EPHA3: variants seen among roughly 807,000 people sequenced by gnomAD.
EPHA3 encodes EPH receptor A3, also known as ephrin type-A receptor 3.
A neutral mutation model predicts 107.1 loss-of-function variants in EPHA3; 42 were observed. The ratio of observed to expected loss-of-function variants is 0.39; its 90% confidence interval spans 0.31 to 0.51. The LOEUF (loss-of-function observed/expected upper bound fraction) is 0.51. Ranked by LOEUF, EPHA3 falls within the 20% of genes least tolerant of loss-of-function variation. The pLI, the probability that EPHA3 is intolerant of heterozygous loss-of-function variation, is 0.78. For missense variants in EPHA3, 1,183 were observed against 1,211.2 expected, an observed-to-expected ratio of 0.98 and a Z score of 0.35; for synonymous variants, 461 against 424.8, an observed-to-expected ratio of 1.09 and a Z score of -1.05.
At chr3:89,253,441 C>A (rs1230400841) in intron 3 of EPHA3, among the ~76,000 whole-genome samples, 3 of 152,070 alleles carry the variant, frequency 2.0e-5, no homozygotes, top group African/African-American at 7.2e-5. Flanking sequence ...TTCTCAAAAA[C>A]ATACATGGCT....
At chr3:89,392,863 A>T (rs2107500602) in intron 5 of EPHA3, among the ~76,000 whole-genome samples, 1 of 152,276 alleles carries the variant, frequency 6.6e-6, no homozygotes, top group African/African-American at 2.4e-5. Context: ...GCACATAAAA[A>T]AATCGATAAA....
chr3:89,308,496 C>T lies in EPHA3; in HGVS notation c.815-32420C>T, dbSNP rs115240840. 3.7e-3 allele frequency among the ~76,000 whole-genome samples: 556 copies of T among 152,060 alleles called. 10 individuals carry two copies. The highest frequency in any genetic ancestry group is 0.013 in the African/African-American group (524 of 41,480). On this transcript the variant is annotated intron_variant, in intron 3 of 16. Transcript: ENST00000336596. ...ACATCAGGAACCCTGGCATAGGAAG[C>T]AGCTGATTATGCTGAAGTGACGGTT...
intron 13 of EPHA3, among the ~76,000 whole-genome samples, chr3:89,444,491 T>A (rs1559698704): frequency 1.3e-5 from 2 of 152,116 alleles, no homozygotes; most frequent in African/African-American, 2.4e-5. Flanking sequence ...AGATAATTTT[T>A]AAAAATTTCT....
chr3:89,365,830 C>T (rs139288900), intron 5 of EPHA3, among the ~76,000 whole-genome samples: 1 of 150,744 alleles, frequency 6.6e-6, no homozygotes, highest in African/African-American at 2.4e-5. Context: ...CCCTGCAGAG[C>T]CTGCCATGCA....
intron 2 of EPHA3, among the ~76,000 whole-genome samples, chr3:89,201,353 A>G (rs1348551200): frequency 6.6e-6 from 1 of 152,206 alleles, no homozygotes; most frequent in Non-Finnish European, 1.5e-5. Context: ...TTAGGTGGGG[A>G]CACAGAGCCA....
intron 3 of EPHA3, among the ~76,000 whole-genome samples, chr3:89,333,537 C>T (rs1707333838): frequency 6.6e-6 from 1 of 152,090 alleles, no homozygotes; most frequent in South Asian, 2.1e-4. Context: ...GGCACTTAAA[C>T]TTGAAGAGCT....
intron 3 of EPHA3, among the ~76,000 whole-genome samples, chr3:89,221,178 T>C (rs556202661): frequency 6.6e-6 from 1 of 152,352 alleles, no homozygotes; most frequent in Admixed American, 6.5e-5. Context: ...AAATAGTCCC[T>C]GAAGCGCAGA....
chr3:89,261,954 T>G (rs1705427787), intron 3 of EPHA3, among the ~76,000 whole-genome samples: 1 of 151,970 alleles, frequency 6.6e-6, no homozygotes, highest in Non-Finnish European at 1.5e-5. Context: ...ACATTTATTT[T>G]ATAGCATTAT....
intron 2 of EPHA3, among the ~76,000 whole-genome samples, chr3:89,170,940 A>ATTTT (rs35361512): frequency 4.1e-5 from 6 of 147,088 alleles, no homozygotes; most frequent in East Asian, 2.0e-4. Flanking sequence ...CTTTAAAACC[A>ATTTT]TTTTTTTTTT....
At chr3:89,329,648 A>G (rs980137488) in intron 3 of EPHA3, among the ~76,000 whole-genome samples, 11 of 152,158 alleles carry the variant, frequency 7.2e-5, no homozygotes, top group African/African-American at 2.7e-4. Flanking sequence ...AACATAGTGA[A>G]GAAAAAAAAT....
At chr3:89,238,534 C>T (rs1704824316) in intron 3 of EPHA3, among the ~76,000 whole-genome samples, 1 of 152,130 alleles carries the variant, frequency 6.6e-6, no homozygotes, top group African/African-American at 2.4e-5. Context: ...CTTCTTTAAC[C>T]ACAGTTCTAA....
rs546221067 is a variant in EPHA3, at chr3:89,161,075, C to T, written c.153+33802C>T. On this transcript the variant is annotated intron_variant, in intron 2 of 16. Transcript: ENST00000336596. ...TGAGTGATGATCTCATCTCACATCA[C>T]GCAGCTTCTAAAAATCTCCACCAAA... Among the ~76,000 whole-genome samples the T allele has an allele frequency of 6.8e-4, 103 of 152,206 alleles. 1 individual carries two copies. The highest frequency in any genetic ancestry group is 2.3e-3 in the African/African-American group (96 of 41,540).
At chr3:89,257,928 A>G (rs1056700998) in intron 3 of EPHA3, among the ~76,000 whole-genome samples, 1 of 152,176 alleles carries the variant, frequency 6.6e-6, no homozygotes, top group Non-Finnish European at 1.5e-5. Context: ...CAGAATATTC[A>G]CGTGAACTCT....
intron 3 of EPHA3, among the ~76,000 whole-genome samples, chr3:89,277,320 G>A (rs1198390310): frequency 6.6e-6 from 1 of 152,042 alleles, no homozygotes; most frequent in Non-Finnish European, 1.5e-5. Context: ...TAAAGTAACA[G>A]TATGAGAAAT....
intron 2 of EPHA3, among the ~76,000 whole-genome samples, chr3:89,189,562 C>T (rs901586028): frequency 6.6e-5 from 10 of 152,200 alleles, no homozygotes; most frequent in Non-Finnish European, 1.2e-4. Context: ...CACTGTACTG[C>T]AGCCTGGTGA....
intron 10 of EPHA3, 90 bp from the exon 11 acceptor site, chr3:89,419,115 T>TG: frequency 7.6e-7 from 1 of 1,321,938 alleles, no homozygotes; most frequent in Non-Finnish European, 1.0e-6. Context: ...ATATTTTAAA[T>TG]GGAAATTTTG....
chr3:89,472,494 T>G lies in EPHA3; in HGVS notation c.2721T>G (p.Asn907Lys), dbSNP rs73846185. The G allele has an allele frequency of 6.2e-7, 1 of 1,613,894 alleles. No homozygotes were observed. The highest frequency in any genetic ancestry group is 1.3e-5 in the African/African-American group (1 of 74,854). ...CAAACCTTCTTCTGGACCAAAGCAA[T>G]GTGGATATCACTACCTTCCGCACAA... ...RPSNLLLDQS[N>K]VDITTFRTTG... The change falls in exon 16 of 17, where the codon AAT becomes AAG. Residue 907 changes from asparagine (N) to lysine (K), a missense_variant. Transcript: ENST00000336596.
intron 7 of EPHA3, among the ~76,000 whole-genome samples, chr3:89,404,692 G>A (rs1245294377): frequency 1.3e-5 from 2 of 152,158 alleles, no homozygotes; most frequent in Non-Finnish European, 2.9e-5. Context: ...GCCTCTGTGA[G>A]TCATATATTT....
In EPHA3 at chr3:89,338,266, T is replaced by C. The variant is rs1389694472; in HGVS notation, c.815-2650T>C. Among the ~76,000 whole-genome samples the C allele has an allele frequency of 2.0e-5, 3 of 152,206 alleles. No individual in the cohort carries two copies. In the East Asian group the frequency reaches 5.8e-4, roughly 29 times the overall value. Reference sequence around the variant, plus strand: ...ACACTACTTGCCATAAAATTCTATGTAACAGTTTGTATTTTTCATGTTGAT... The same window carrying C: ...ACACTACTTGCCATAAAATTCTATGCAACAGTTTGTATTTTTCATGTTGAT... On this transcript the variant is annotated intron_variant, in intron 3 of 16. Transcript: ENST00000336596.
Sources: allele counts gnomAD v4.1 joint callset (sites outside exome capture counted in the v4.1 genomes callset), GRCh38; gene constraint gnomAD v4.1.1; transcripts MANE v1.5; gene names NCBI Gene and HGNC (gene_info 2026-07-23, HGNC 2026-07-21).